Variants in PDLIM5 observed in about 807,000 individuals in gnomAD.
PDLIM5 encodes PDZ and LIM domain protein 5.
In PDLIM5, 34 loss-of-function variants were observed where a neutral mutation model predicts 64.2. That is an observed-to-expected ratio of 0.53 (90% CI 0.40 to 0.71). PDLIM5 has a LOEUF of 0.71. Ranked by LOEUF, PDLIM5 falls within the 30% of genes least tolerant of loss-of-function variation. PDLIM5 has a pLI of 0.00. For missense variants in PDLIM5, 683 were observed against 733.6 expected (o/e 0.93, Z 0.80); for synonymous variants, 253 against 269.1 (o/e 0.94, Z 0.59).
In PDLIM5 at chr4:94,645,636, A is replaced by G. The variant is rs78961577; in HGVS notation, c.1283+5186A>G. ...GTTTTTAGGAATATAATAGTAAGCAATACATATAGCCAGTGTGCTTTAGAA... is the reference window on the plus strand; with the variant it reads ...GTTTTTAGGAATATAATAGTAAGCAGTACATATAGCCAGTGTGCTTTAGAA... On this transcript the variant is annotated intron_variant, in intron 9 of 12. Transcript: ENST00000317968. 7.7e-3 allele frequency among the ~76,000 whole-genome samples: 1,178 copies of G among 152,314 alleles called. 13 individuals carry two copies. The highest frequency in any genetic ancestry group is 0.027 in the African/African-American group (1,116 of 41,568).
intron 7 of PDLIM5, among the ~76,000 whole-genome samples, chr4:94,597,798 T>G (rs1225192172): frequency 6.6e-6 from 1 of 152,094 alleles, no homozygotes; most frequent in East Asian, 1.9e-4. Context: ...AAAAGTTAAC[T>G]TCTAACCATA....
intron 3 of PDLIM5, among the ~76,000 whole-genome samples, chr4:94,529,283 T>C (rs1200117661): frequency 1.3e-5 from 2 of 152,184 alleles, no homozygotes; most frequent in Non-Finnish European, 2.9e-5. Context: ...TGCCTTTTCC[T>C]GCTAGCACTG....
intron 7 of PDLIM5, among the ~76,000 whole-genome samples, chr4:94,615,964 A>G (rs1277771917): frequency 6.6e-6 from 1 of 152,158 alleles, no homozygotes; most frequent in Admixed American, 6.5e-5. Flanking sequence ...TCCTTCACCC[A>G]AACTATATTA....
intron 3 of PDLIM5, among the ~76,000 whole-genome samples, chr4:94,533,115 TTA>T (rs1394661734): frequency 6.6e-6 from 1 of 152,218 alleles, no homozygotes; most frequent in African/African-American, 2.4e-5. Flanking sequence ...AGTATTTATC[TTA>T]TATATCTCTT....
chr4:94,620,829 G>A (rs569667328), intron 8 of PDLIM5, among the ~76,000 whole-genome samples: 3 of 151,954 alleles, frequency 2.0e-5, no homozygotes, highest in East Asian at 1.9e-4. Context: ...AGGCTGAGGC[G>A]GGCGGATCAC....
chr4:94,578,151 G>A (rs1248500170), intron 5 of PDLIM5, among the ~76,000 whole-genome samples: 1 of 151,766 alleles, frequency 6.6e-6, no homozygotes, highest in Admixed American at 6.6e-5. Context: ...ATAGAAAGTT[G>A]TAGAGGTAAA....
intron 2 of PDLIM5, among the ~76,000 whole-genome samples, chr4:94,518,844 C>G (rs1169996660): frequency 1.3e-5 from 2 of 152,116 alleles, no homozygotes; most frequent in African/African-American, 4.8e-5. Context: ...TCTTGGTTCC[C>G]TCCTCTGCCT....
chr4:94,592,872 G>A (rs903418400), intron 7 of PDLIM5, among the ~76,000 whole-genome samples: 2 of 152,078 alleles, frequency 1.3e-5, no homozygotes, highest in East Asian at 1.9e-4. Flanking sequence ...TCAGCCTCCC[G>A]AAGTCCTAGG....
intron 2 of PDLIM5, among the ~76,000 whole-genome samples, chr4:94,476,197 C>T (rs1024370819): frequency 2.0e-5 from 3 of 151,986 alleles, no homozygotes; most frequent in South Asian, 4.2e-4. Flanking sequence ...ACATTATTTG[C>T]GATTGTGTAT....
intron 2 of PDLIM5, among the ~76,000 whole-genome samples, chr4:94,506,754 A>G (rs948189711): frequency 4.6e-5 from 7 of 152,156 alleles, no homozygotes; most frequent in Admixed American, 6.5e-5. Flanking sequence ...CAGGTAAAGC[A>G]TTGTTTCTGC....
intron 3 of PDLIM5, among the ~76,000 whole-genome samples, chr4:94,570,825 C>T (rs1245524795): frequency 6.6e-6 from 1 of 152,148 alleles, no homozygotes; most frequent in Non-Finnish European, 1.5e-5. Context: ...GACAAGAGCT[C>T]ATCTCATAGA....
At chr4:94,582,132 A>T (rs1578416173) in intron 5 of PDLIM5, among the ~76,000 whole-genome samples, 1 of 152,174 alleles carries the variant, frequency 6.6e-6, no homozygotes, top group Non-Finnish European at 1.5e-5. Context: ...TTCAAATGGC[A>T]TATTATTCTT....
intron 2 of PDLIM5, chr4:94,456,814 C>G (rs1411338940): frequency 8.7e-6 from 10 of 1,151,388 alleles, no homozygotes; most frequent in Non-Finnish European, 1.1e-5. Context: ...GTCTTACCAA[C>G]AAACTTGGAT....
intron 3 of PDLIM5, among the ~76,000 whole-genome samples, chr4:94,545,105 GTAGT>G (rs1051395744): frequency 6.6e-6 from 1 of 152,148 alleles, no homozygotes; most frequent in African/African-American, 2.4e-5. Context: ...TTCCTATTTT[GTAGT>G]TAGTTTACTT....
At chr4:94,610,938 C>A (rs1738312254) in intron 7 of PDLIM5, 2 of 605,884 alleles carry the variant, frequency 3.3e-6, no homozygotes, top group Admixed American at 2.8e-5. Context: ...TTTGTGCTTC[C>A]CCTCCTTCTT....
chr4:94,564,059 G>A (rs1163181783), intron 3 of PDLIM5, among the ~76,000 whole-genome samples: 1 of 150,208 alleles, frequency 6.7e-6, no homozygotes, highest in African/African-American at 2.5e-5. Flanking sequence ...CACCTCCCAG[G>A]TTCAAGCGAT....
chr4:94,526,398 A>G lies in PDLIM5; in HGVS notation c.248+2523A>G, dbSNP rs534570526. On this transcript the variant is annotated intron_variant, in intron 3 of 12. Transcript: ENST00000317968. ...TATAAACATTTGAGTATACTACTTA[A>G]TCATATCTTCATATTTCTAAATAAT... is the stretch of plus-strand genomic sequence containing the variant. 2.2e-4 allele frequency among the ~76,000 whole-genome samples: 34 copies of G among 152,314 alleles called. 1 individual carries two copies. The South Asian group carries it at 7.0e-3, about 32-fold the overall frequency.
intron 2 of PDLIM5, among the ~76,000 whole-genome samples, chr4:94,464,186 C>T (rs1724143047): frequency 6.6e-6 from 1 of 152,188 alleles, no homozygotes; most frequent in Non-Finnish European, 1.5e-5. Context: ...TATTTGGATT[C>T]TGTGAATTGT....
Position 94,641,455 on chromosome 4 carries a change from T to C in PDLIM5, c.1283+1005T>C, listed in dbSNP as rs116887969. Among the ~76,000 whole-genome samples, 105 of 152,294 alleles carry C rather than the reference T, an allele frequency of 6.9e-4. No homozygotes were observed. The East Asian group carries it at 0.013, about 19-fold the overall frequency. On this transcript the variant is annotated intron_variant, in intron 9 of 12. Coordinates refer to ENST00000317968, the MANE Select transcript of PDLIM5 (RefSeq NM_006457.5). ...TTGAATAATATATGTGTCAAGAACATAGCACACAGTATGCCATTCAAAACT... is the reference window on the plus strand; with the variant it reads ...TTGAATAATATATGTGTCAAGAACACAGCACACAGTATGCCATTCAAAACT...
Sources: gnomAD v4.1 joint callset for allele counts (sites outside exome capture counted in the v4.1 genomes callset) on GRCh38, gnomAD v4.1.1 for gene constraint, MANE v1.5 for transcripts, NCBI Gene and HGNC (gene_info 2026-07-23, HGNC 2026-07-21) for gene names.